Variants in PITPNB observed in about 807,000 individuals in gnomAD.
PITPNB encodes the protein phosphatidylinositol transfer protein beta isoform.
Under a neutral mutation model 45.9 loss-of-function variants are expected in PITPNB, and 16 were observed. The observed-to-expected ratio is 0.35, with a 90% CI of 0.24 to 0.53. The LOEUF (loss-of-function observed/expected upper bound fraction) is 0.53. Among genes scored for constraint, PITPNB ranks in the 20% least tolerant of loss-of-function variants. The pLI, the probability that PITPNB is intolerant of heterozygous loss-of-function variation, is 0.93. For missense variants in PITPNB, 188 were observed against 330.5 expected (o/e 0.57, Z 3.34); for synonymous variants, 112 against 108.9 (o/e 1.03, Z -0.18).
intron 1 of PITPNB, among the ~76,000 whole-genome samples, chr22:27,915,479 C>T: frequency 6.6e-6 from 1 of 152,172 alleles, no homozygotes; most frequent in South Asian, 2.1e-4. Context: ...TCCAGCTACA[C>T]TTTCCATCTA....
intron 7 of PITPNB, among the ~76,000 whole-genome samples, chr22:27,875,953 G>A (rs951738532): frequency 1.3e-5 from 2 of 152,102 alleles, no homozygotes; most frequent in Admixed American, 1.3e-4. Flanking sequence ...AACAAAAGCA[G>A]CAAAGGAAAC....
chr22:27,885,212 TAAAAAAAAAAAAAAAAAA>T (rs71194746), intron 7 of PITPNB, among the ~76,000 whole-genome samples: 45 of 30,234 alleles, frequency 1.5e-3, no homozygotes, highest in South Asian at 5.7e-3. Context: ...AATTTATACC[TAAAAAAAAAAAAAAAAAA>T]AAAAAAAAAA....
intron 2 of PITPNB, among the ~76,000 whole-genome samples, chr22:27,911,771 A>G (rs1021441600): frequency 6.6e-6 from 1 of 152,238 alleles, no homozygotes; most frequent in Non-Finnish European, 1.5e-5. Flanking sequence ...GTCCTCAAGT[A>G]AAGAGAACAA....
rs1225519763 is a variant in PITPNB at position 27,896,656 on chromosome 22, T to C, written c.298-30A>G. 5 of 1,463,994 alleles carry C rather than the reference T, an allele frequency of 3.4e-6. No individual in the cohort carries two copies. The East Asian group carries it at 9.1e-5, about 27-fold the overall frequency. The allele number at this position is 1,463,994 out of a possible 1,614,324, so 90.7% of individuals were successfully genotyped here. On this transcript the variant is annotated intron_variant, in intron 5 of 11. Transcript: ENST00000335272. ...AGAAAACACAACAGGAAAATGACAG[T>C]GATCTTCTACCTGTTCCTTGGTGCC...
intron 7 of PITPNB, among the ~76,000 whole-genome samples, chr22:27,893,652 C>T (rs997371340): frequency 5.0e-5 from 7 of 139,258 alleles, no homozygotes; most frequent in African/African-American, 1.1e-4. Context: ...TGCAGTGGTA[C>T]GATCACGGCT....
chr22:27,894,280 AACAACCT>A, intron 7 of PITPNB: 1 of 271,678 alleles, frequency 3.7e-6, no homozygotes. Flanking sequence ...TTTCAATGAA[AACAACCT>A]ACATTTCCCA....
At chr22:27,900,496 C>T (rs1461525848) in intron 3 of PITPNB, among the ~76,000 whole-genome samples, 1 of 152,084 alleles carries the variant, frequency 6.6e-6, no homozygotes, top group Non-Finnish European at 1.5e-5. Flanking sequence ...CATGTGAATT[C>T]CAGCAATTCA....
chr22:27,855,387 G>C (rs1016804170), intron 10 of PITPNB, among the ~76,000 whole-genome samples: 2 of 151,972 alleles, frequency 1.3e-5, no homozygotes, highest in African/African-American at 4.8e-5. Context: ...AAAGGAGGGA[G>C]AATGAAAGGG....
chr22:27,909,021 T>C (rs1935841393), intron 3 of PITPNB, among the ~76,000 whole-genome samples: 1 of 151,820 alleles, frequency 6.6e-6, no homozygotes, highest in Non-Finnish European at 1.5e-5. Context: ...TGAGGAAATA[T>C]AAAAAAAATC....
chr22:27,865,836 G>A (rs1389302536), intron 8 of PITPNB, among the ~76,000 whole-genome samples: 2 of 152,074 alleles, frequency 1.3e-5, no homozygotes, highest in Admixed American at 6.6e-5. Flanking sequence ...ACCTTCACAT[G>A]TACCCCCAAA....
intron 7 of PITPNB, among the ~76,000 whole-genome samples, chr22:27,880,193 C>T (rs1311844928): frequency 6.6e-6 from 1 of 152,100 alleles, no homozygotes; most frequent in East Asian, 1.9e-4. Context: ...TCAGATGCTG[C>T]CCTGTCTGAC....
At chr22:27,855,272 A>T (rs73880342) in intron 10 of PITPNB, among the ~76,000 whole-genome samples, 3,513 of 152,334 alleles carry the variant, frequency 0.023, 132 homozygotes, top group African/African-American at 0.081. Flanking sequence ...CCATATTTGC[A>T]TAGTCCCTAG....
At position 27,919,235 on chromosome 22, in the gene PITPNB, C is replaced by A. The variant is rs752917178; in HGVS notation, c.-44G>T. On this transcript the variant is annotated 5_prime_UTR_variant, in exon 1 of 12. Coordinates refer to ENST00000335272, the MANE Select transcript of PITPNB (RefSeq NM_012399.5). The stretch of plus-strand genomic sequence containing the variant: ...CAGCTGCCGCCGATACCACCGCCGC[C>A]GCCGCCGCTACCGCCTCTCACAGCG... 2 of 1,553,754 alleles carry A rather than the reference C, an allele frequency of 1.3e-6. No individual in the cohort carries two copies. The highest frequency in any genetic ancestry group is 1.1e-5 in the South Asian group (1 of 90,014).
In PITPNB at chr22:27,863,257, G is replaced by GT. The variant is rs1021026856; in HGVS notation, c.535-3017dup. On this transcript the variant is annotated intron_variant, in intron 8 of 11. Coordinates refer to ENST00000335272, the MANE Select transcript of PITPNB (RefSeq NM_012399.5). Reference sequence around the variant, plus strand: ...CTCTCTGGGCCTCATTTCTCCCTCTGTAACAGGAAAACTAGACTCTATCAG... The same window carrying GT: ...CTCTCTGGGCCTCATTTCTCCCTCTGTTAACAGGAAAACTAGACTCTATCAG... Among the ~76,000 whole-genome samples the GT allele has an allele frequency of 4.6e-5, 7 of 152,238 alleles. No homozygotes were observed. The South Asian group carries it at 8.3e-4, about 18-fold the overall frequency.
chr22:27,878,221 A>G (rs1473992640), intron 7 of PITPNB, among the ~76,000 whole-genome samples: 1 of 152,230 alleles, frequency 6.6e-6, no homozygotes, highest in Non-Finnish European at 1.5e-5. Context: ...GAAGATAAAT[A>G]ACAAACATCA....
At chr22:27,857,128 T>C (rs1934196754) in intron 10 of PITPNB, among the ~76,000 whole-genome samples, 1 of 152,126 alleles carries the variant, frequency 6.6e-6, no homozygotes. Flanking sequence ...AGTCCTAATA[T>C]TAGTATGAGA....
chr22:27,857,987 G>A (rs1255746292), intron 10 of PITPNB, among the ~76,000 whole-genome samples: 15 of 151,646 alleles, frequency 9.9e-5, no homozygotes, highest in South Asian at 4.2e-4. Flanking sequence ...AGCGAACTAG[G>A]ACTTATCATG....
chr22:27,910,278 T>C (rs1030047822), intron 3 of PITPNB, among the ~76,000 whole-genome samples: 3 of 152,080 alleles, frequency 2.0e-5, no homozygotes, highest in Non-Finnish European at 4.4e-5. Flanking sequence ...GTTGTTGTAC[T>C]AGAGATGGGG....
intron 7 of PITPNB, among the ~76,000 whole-genome samples, chr22:27,876,511 G>A (rs747661190): frequency 2.8e-4 from 42 of 152,164 alleles, no homozygotes; most frequent in African/African-American, 8.0e-4. Flanking sequence ...TCTGTTTTAC[G>A]TTAGTTTGAA....
Sources: gnomAD v4.1 joint callset for allele counts (sites outside exome capture counted in the v4.1 genomes callset) on GRCh38, gnomAD v4.1.1 for gene constraint, MANE v1.5 for transcripts, NCBI Gene and HGNC (gene_info 2026-07-23, HGNC 2026-07-21) for gene names.